Variants in IMMP2L observed in about 807,000 individuals in gnomAD.
IMMP2L encodes mitochondrial inner membrane protease subunit 2.
A neutral mutation model predicts 19.3 loss-of-function variants in IMMP2L; 18 were observed. That is an observed-to-expected ratio of 0.93 (90% CI 0.64 to 1.38). The LOEUF (loss-of-function observed/expected upper bound fraction) is 1.38, where lower values mean the gene tolerates loss of function less well. Ranked by LOEUF, IMMP2L falls within the 40% of genes most tolerant of loss-of-function variation. The probability of loss-of-function intolerance (pLI) is 0.00; values close to 1 mark genes in which losing one functional copy is unlikely to be tolerated. For missense variants in IMMP2L, 233 were observed against 218.2 expected (o/e 1.07, Z -0.43); for synonymous variants, 76 against 73.0 (o/e 1.04, Z -0.21).
At chr7:110,772,178 T>A in intron 5 of IMMP2L, among the ~76,000 whole-genome samples, 1 of 152,130 alleles carries the variant, frequency 6.6e-6, no homozygotes, top group East Asian at 1.9e-4. Flanking sequence ...ATCTTCCCAA[T>A]GCTCCTGAAG....
At chr7:111,093,306 T>C (rs1797059166) in intron 3 of IMMP2L, among the ~76,000 whole-genome samples, 1 of 152,174 alleles carries the variant, frequency 6.6e-6, no homozygotes, top group Non-Finnish European at 1.5e-5. Context: ...AAATGATTTA[T>C]TACAAAAAGG....
intron 3 of IMMP2L, among the ~76,000 whole-genome samples, chr7:111,064,833 T>A (rs930122511): frequency 6.6e-6 from 1 of 152,164 alleles, no homozygotes; most frequent in African/African-American, 2.4e-5. Context: ...TACTCCGCAA[T>A]GGAGACGAGG....
chr7:111,004,370 T>A (rs1824066653), intron 3 of IMMP2L, among the ~76,000 whole-genome samples: 1 of 152,064 alleles, frequency 6.6e-6, no homozygotes, highest in Non-Finnish European at 1.5e-5. Context: ...TTTCTGTGTT[T>A]CCCAGGCTGG....
At chr7:111,081,037 G>A (rs1461965438) in intron 3 of IMMP2L, among the ~76,000 whole-genome samples, 1 of 152,200 alleles carries the variant, frequency 6.6e-6, no homozygotes, top group East Asian at 1.9e-4. Flanking sequence ...TCAGACTAGT[G>A]AGGATATTAT....
intron 3 of IMMP2L, among the ~76,000 whole-genome samples, chr7:111,080,952 T>A (rs925934968): frequency 6.6e-6 from 1 of 152,206 alleles, no homozygotes; most frequent in Non-Finnish European, 1.5e-5. Context: ...TAAGTAAATA[T>A]TCTATAAGCA....
intron 3 of IMMP2L, among the ~76,000 whole-genome samples, chr7:111,073,110 A>G (rs1467515476): frequency 1.3e-5 from 2 of 152,220 alleles, no homozygotes; most frequent in African/African-American, 4.8e-5. Flanking sequence ...TGGTTATGTA[A>G]GAGAAAAACT....
At chr7:111,507,380 A>C (rs879468720) in intron 2 of IMMP2L, among the ~76,000 whole-genome samples, 8 of 152,176 alleles carry the variant, frequency 5.3e-5, no homozygotes, top group Non-Finnish European at 7.3e-5. Context: ...TTTCGCCTGG[A>C]AATCTCCTTA....
chr7:110,943,809 C>T lies in IMMP2L; in HGVS notation c.305+19691G>A, dbSNP rs141200703. 3.6e-3 allele frequency among the ~76,000 whole-genome samples: 544 copies of T among 152,072 alleles called. 4 individuals carry two copies. Among genetic ancestry groups the T allele is most frequent in the African/African-American group, 0.012 (493 of 41,542 alleles). ...AATAATAAACAAGCATATCCTCATC[C>T]CCTTTGCTATGCAGGGACAATCCCT... On this transcript the variant is annotated intron_variant, in intron 4 of 5. Transcript: ENST00000405709.
intron 3 of IMMP2L, among the ~76,000 whole-genome samples, chr7:111,050,571 C>A (rs1792911489): frequency 6.6e-6 from 1 of 152,096 alleles, no homozygotes; most frequent in Non-Finnish European, 1.5e-5. Flanking sequence ...CTGCTTTTTG[C>A]CTGGCAGATT....
chr7:111,436,758 A>G (rs1029650965), intron 3 of IMMP2L, among the ~76,000 whole-genome samples: 3 of 152,034 alleles, frequency 2.0e-5, no homozygotes, highest in Middle Eastern at 6.8e-3. Flanking sequence ...TGGGTAATTT[A>G]TAAAGAAGAG....
At chr7:111,300,092 G>A (rs1322180265) in intron 3 of IMMP2L, among the ~76,000 whole-genome samples, 1 of 152,188 alleles carries the variant, frequency 6.6e-6, no homozygotes, top group Non-Finnish European at 1.5e-5. Context: ...GTTCTTAGTT[G>A]AGTAAGTGAT....
At chr7:111,137,228 G>T (rs759265823) in intron 3 of IMMP2L, among the ~76,000 whole-genome samples, 7 of 152,038 alleles carry the variant, frequency 4.6e-5, no homozygotes, top group Non-Finnish European at 7.4e-5. Context: ...TGGTATAACA[G>T]AAATAAAGTA....
intron 5 of IMMP2L, among the ~76,000 whole-genome samples, chr7:110,864,470 A>T (rs10260174): frequency 7.9e-5 from 12 of 152,160 alleles, no homozygotes; most frequent in Middle Eastern, 3.4e-3. Context: ...ATAAAGCAAA[A>T]ATTTGACCAA....
chr7:110,795,922 C>T (rs944948662), intron 5 of IMMP2L, among the ~76,000 whole-genome samples: 5 of 152,014 alleles, frequency 3.3e-5, no homozygotes, highest in Non-Finnish European at 7.4e-5. Flanking sequence ...GTGTCCCCAC[C>T]CAAATCTGAT....
At position 110,963,532 on chromosome 7, in the gene IMMP2L, CTT is replaced by C; in HGVS notation, c.271_272del (p.Lys91GlufsTer6). ...TATCTCCTTCAAGAGCAATCACTCT[CTT>C]AATGATCTTCTGTTCTGGGTTTTTA... ...SPKNPEQKII[K>X]RVIALEGDIV... On this transcript the variant is annotated frameshift_variant, in exon 4 of 6. Coordinates refer to ENST00000405709, the MANE Select transcript of IMMP2L (RefSeq NM_032549.4). LOFTEE classifies it high-confidence loss of function. 1 of 1,603,904 alleles carries C rather than the reference CTT, an allele frequency of 6.2e-7. No homozygotes were observed. The highest frequency in any genetic ancestry group is 8.5e-7 in the Non-Finnish European group (1 of 1,172,676).
intron 5 of IMMP2L, among the ~76,000 whole-genome samples, chr7:110,672,377 C>A (rs956848338): frequency 2.0e-5 from 3 of 152,110 alleles, no homozygotes; most frequent in Admixed American, 6.5e-5. Context: ...GTGGGAATTA[C>A]AATTCAGGAT....
intron 3 of IMMP2L, among the ~76,000 whole-genome samples, chr7:111,357,165 T>G (rs1166541457): frequency 6.6e-6 from 1 of 152,192 alleles, no homozygotes; most frequent in Non-Finnish European, 1.5e-5. Flanking sequence ...ACTGTAGCAT[T>G]TAAAGTTTTT....
chr7:111,324,139 A>T (rs1305449107), intron 3 of IMMP2L, among the ~76,000 whole-genome samples: 1 of 152,082 alleles, frequency 6.6e-6, no homozygotes, highest in South Asian at 2.1e-4. Flanking sequence ...CTTAAAGTAC[A>T]ATAAAATAAA....
chr7:110,926,088 T>C (rs1252292187), intron 4 of IMMP2L, among the ~76,000 whole-genome samples: 1 of 152,074 alleles, frequency 6.6e-6, no homozygotes, highest in African/African-American at 2.4e-5. Flanking sequence ...TCTAAGAGGC[T>C]ATGATACTAA....
Sources: allele counts gnomAD v4.1 joint callset (sites outside exome capture counted in the v4.1 genomes callset), GRCh38; gene constraint gnomAD v4.1.1; transcripts MANE v1.5; gene names NCBI Gene and HGNC (gene_info 2026-07-23, HGNC 2026-07-21).